The following CACNA2D3 variants were observed in gnomAD, a reference collection of about 807,000 sequenced individuals.
CACNA2D3 encodes the protein voltage-dependent calcium channel subunit alpha-2/delta-3.
In CACNA2D3, 60 loss-of-function variants were observed where a neutral mutation model predicts 160.6. The observed-to-expected ratio is 0.37, with a 90% CI of 0.30 to 0.46. CACNA2D3 has a LOEUF of 0.46. CACNA2D3 is among the 20% of genes least tolerant of loss of function. The pLI, the probability that CACNA2D3 is intolerant of heterozygous loss-of-function variation, is 1.00. For synonymous variants in CACNA2D3, 558 were observed against 492.9 expected, an observed-to-expected ratio of 1.13 and a Z score of -1.75; for missense variants, 1,205 against 1,365.0, an observed-to-expected ratio of 0.88 and a Z score of 1.85.
Position 54,791,406 on chromosome 3 carries a change from A to G in CACNA2D3, c.1381-25447A>G, listed in dbSNP as rs79656508. Among the ~76,000 whole-genome samples the G allele has an allele frequency of 2.6e-5, 4 of 152,370 alleles. No homozygotes were observed. In the East Asian group the frequency reaches 7.7e-4, roughly 29 times the overall value. ...ATATGGAGGGAAAATAACAAGGAAGAGAAATGCAAGCTAAGTTCATATGTG... is the reference window on the plus strand; with the variant it reads ...ATATGGAGGGAAAATAACAAGGAAGGGAAATGCAAGCTAAGTTCATATGTG... On this transcript the variant is annotated intron_variant, in intron 13 of 37. Coordinates refer to ENST00000474759, the MANE Select transcript of CACNA2D3 (RefSeq NM_018398.3).
chr3:54,841,001 C>T (rs1698808562), intron 16 of CACNA2D3, among the ~76,000 whole-genome samples: 1 of 152,258 alleles, frequency 6.6e-6, no homozygotes, highest in Admixed American at 6.5e-5. Flanking sequence ...GGATTACAGG[C>T]ATGAGCCACC....
chr3:54,639,126 GGTT>G (rs943405473), intron 10 of CACNA2D3: 11 of 150,366 alleles, frequency 7.3e-5, no homozygotes, highest in Admixed American at 5.9e-4. Context: ...AGAGATAAGA[GGTT>G]GGGGCGTGAA....
intron 2 of CACNA2D3, among the ~76,000 whole-genome samples, chr3:54,190,529 G>A (rs556405838): frequency 8.5e-5 from 13 of 152,244 alleles, no homozygotes; most frequent in African/African-American, 2.4e-4. Flanking sequence ...ATCATTGTAC[G>A]TTTGATTTTT....
At chr3:54,129,233 G>A (rs1389905698) in intron 2 of CACNA2D3, among the ~76,000 whole-genome samples, 2 of 152,184 alleles carry the variant, frequency 1.3e-5, no homozygotes, top group Non-Finnish European at 2.9e-5. Context: ...TGGCAGATTA[G>A]GTATTTGTAT....
intron 11 of CACNA2D3, among the ~76,000 whole-genome samples, chr3:54,680,424 T>A (rs1220147905): frequency 6.6e-6 from 1 of 152,238 alleles, no homozygotes; most frequent in African/African-American, 2.4e-5. Flanking sequence ...AATTTTTATG[T>A]AGCTTTCAGA....
intron 11 of CACNA2D3, among the ~76,000 whole-genome samples, chr3:54,699,311 G>C (rs1700722295): frequency 6.6e-6 from 1 of 152,178 alleles, no homozygotes; most frequent in African/African-American, 2.4e-5. Context: ...GGAAGGGGCT[G>C]GAGGTCAGAG....
At chr3:54,343,075 G>A (rs1463982845) in intron 3 of CACNA2D3, among the ~76,000 whole-genome samples, 1 of 152,204 alleles carries the variant, frequency 6.6e-6, no homozygotes, top group African/African-American at 2.4e-5. Context: ...TTCTTCAATA[G>A]TGAGCAGTTG....
intron 32 of CACNA2D3, among the ~76,000 whole-genome samples, chr3:55,005,970 A>G (rs938448941): frequency 6.6e-6 from 1 of 152,240 alleles, no homozygotes; most frequent in Non-Finnish European, 1.5e-5. Flanking sequence ...TATTTAAAAA[A>G]CAGATAATTA....
At chr3:54,924,890 AAGG>A (rs752337140) in intron 27 of CACNA2D3, 31 of 1,613,774 alleles carry the variant, frequency 1.9e-5, no homozygotes, top group Non-Finnish European at 2.6e-5. Context: ...TTTCCAGGGA[AAGG>A]AGTGAATTCT....
chr3:54,835,235 G>A (rs1559599574), intron 14 of CACNA2D3, among the ~76,000 whole-genome samples: 1 of 152,170 alleles, frequency 6.6e-6, no homozygotes, highest in Non-Finnish European at 1.5e-5. Context: ...CCCCTGTTGG[G>A]AGTTTTTTTC....
chr3:54,576,636 G>A (rs1702586619), intron 8 of CACNA2D3, among the ~76,000 whole-genome samples: 1 of 152,212 alleles, frequency 6.6e-6, no homozygotes, highest in Non-Finnish European at 1.5e-5. Context: ...CAAGAGTTGT[G>A]CGATGTAGTC....
rs201122696 is a variant in CACNA2D3, at chr3:54,759,308, C to T, written c.1247-4910C>T. On this transcript the variant is annotated intron_variant, in intron 12 of 37. Transcript: ENST00000474759. Reference sequence around the variant, plus strand: ...AAAAAAGAGAATAAACATTCAAGACCTAGAATTTAACAGGAAAAAAACAGA... The same window carrying T: ...AAAAAAGAGAATAAACATTCAAGACTTAGAATTTAACAGGAAAAAAACAGA... Among the ~76,000 whole-genome samples, 21 of 152,004 alleles carry T rather than the reference C, an allele frequency of 1.4e-4. No individual in the cohort carries two copies. In the East Asian group the frequency reaches 3.7e-3, roughly 27 times the overall value.
intron 11 of CACNA2D3, among the ~76,000 whole-genome samples, chr3:54,652,813 C>T (rs1225826346): frequency 7.4e-5 from 9 of 121,410 alleles, no homozygotes; most frequent in African/African-American, 2.1e-4. Flanking sequence ...GACCGAGTTT[C>T]GCTGTGTCAC....
intron 11 of CACNA2D3, among the ~76,000 whole-genome samples, chr3:54,706,857 A>G (rs577317647): frequency 1.5e-4 from 23 of 152,298 alleles, no homozygotes; most frequent in East Asian, 3.9e-4. Context: ...GCATAGGCCA[A>G]TTGTCATGAT....
chr3:54,362,488 T>A (rs1188552180), intron 3 of CACNA2D3, among the ~76,000 whole-genome samples: 4 of 152,216 alleles, frequency 2.6e-5, no homozygotes, highest in Non-Finnish European at 5.9e-5. Context: ...TCCCATCATA[T>A]TCACGGGCCC....
intron 14 of CACNA2D3, among the ~76,000 whole-genome samples, chr3:54,826,298 C>A (rs886299183): frequency 6.6e-6 from 1 of 152,080 alleles, no homozygotes; most frequent in Non-Finnish European, 1.5e-5. Context: ...ACATCTCATG[C>A]CAAAGGATTC....
At chr3:54,741,891 A>T (rs964218695) in intron 11 of CACNA2D3, among the ~76,000 whole-genome samples, 55 of 148,586 alleles carry the variant, frequency 3.7e-4, no homozygotes, top group Admixed American at 1.3e-3. Flanking sequence ...TAATTTATTT[A>T]TTTTTTTTTT....
chr3:54,387,245 T>A (rs1475392903), intron 4 of CACNA2D3, among the ~76,000 whole-genome samples: 1 of 152,268 alleles, frequency 6.6e-6, no homozygotes. Flanking sequence ...TTCATTAATT[T>A]CTTGCAGTAG....
chr3:54,641,118 T>C (rs966013110), intron 10 of CACNA2D3, among the ~76,000 whole-genome samples: 11 of 152,192 alleles, frequency 7.2e-5, no homozygotes, highest in Non-Finnish European at 1.6e-4. Flanking sequence ...GACTGTGTCC[T>C]GGGGTGCAGC....
Sources: allele counts gnomAD v4.1 joint callset (sites outside exome capture counted in the v4.1 genomes callset), GRCh38; gene constraint gnomAD v4.1.1; transcripts MANE v1.5; gene names NCBI Gene and HGNC (gene_info 2026-07-23, HGNC 2026-07-21).